Variants in RHCE observed in about 807,000 individuals in gnomAD.
RHCE encodes blood group Rh(CE) polypeptide.
Under a neutral mutation model 43.8 loss-of-function variants are expected in RHCE, and 22 were observed. That is an observed-to-expected ratio of 0.50 (90% confidence interval 0.36 to 0.72). RHCE has a LOEUF of 0.72. Among genes scored for constraint, RHCE ranks in the 30% least tolerant of loss-of-function variants. The probability of loss-of-function intolerance (pLI) is 0.00; values close to 1 mark genes in which losing one functional copy is unlikely to be tolerated. For missense variants in RHCE, 385 were observed against 525.4 expected (o/e 0.73, Z 2.61); for synonymous variants, 156 against 210.7 (o/e 0.74, Z 2.25).
Position 25,389,057 on chromosome 1 carries a change from G to T in RHCE, c.858C>A (p.His286Gln), listed in dbSNP as rs752295067. Residue 286 changes from histidine to glutamine, a missense_variant, in exon 6 of 10, where the codon CAC becomes CAA. Transcript: ENST00000294413. ...AGGVAVGTSCHLIPSPWLAMV... is the reference protein window; with the variant it reads ...AGGVAVGTSCQLIPSPWLAMV... The stretch of plus-strand genomic sequence containing the variant: ...TGGCAAGCCACGGAGAAGGGATCAG[G>T]TGACACGAGGTACCCACAGCCACGC... The T allele has an allele frequency of 5.6e-6, 9 of 1,614,082 alleles. No individual in the cohort carries two copies. The highest frequency in any genetic ancestry group is 7.6e-6 in the Non-Finnish European group (9 of 1,180,036).
At chr1:25,372,380 G>A (rs1462648682) in intron 8 of RHCE, among the ~76,000 whole-genome samples, 5 of 151,624 alleles carry the variant, frequency 3.3e-5, no homozygotes, top group African/African-American at 7.3e-5. Flanking sequence ...TTAGCCGGGC[G>A]TGGTGGTGCA....
At chr1:25,401,570 C>A (rs1343274943) in intron 3 of RHCE, among the ~76,000 whole-genome samples, 2 of 152,212 alleles carry the variant, frequency 1.3e-5, no homozygotes, top group Non-Finnish European at 2.9e-5. Flanking sequence ...ATTGGCCTTA[C>A]CTTCACAGCT....
intron 9 of RHCE, among the ~76,000 whole-genome samples, chr1:25,368,815 C>T (rs1253385066): frequency 1.3e-5 from 2 of 151,342 alleles, no homozygotes; most frequent in African/African-American, 2.4e-5. Flanking sequence ...GGCTGGAGTG[C>T]AGTGGCATGA....
chr1:25,428,253 T>C (rs1300169740), intron 2 of RHCE, among the ~76,000 whole-genome samples: 8 of 152,300 alleles, frequency 5.3e-5, no homozygotes, highest in South Asian at 2.1e-4. Context: ...ACTGCAGTCA[T>C]GGGGATGAGG....
intron 2 of RHCE, among the ~76,000 whole-genome samples, chr1:25,405,236 T>C (rs1310678570): frequency 3.9e-5 from 6 of 152,114 alleles, no homozygotes; most frequent in South Asian, 2.1e-4. Flanking sequence ...TGTGCACCCA[T>C]AGTCCCAGCT....
rs748575833 is a variant in RHCE at position 25,385,840 on chromosome 1, C to A, written c.944G>T (p.Cys315Phe). 81 of 1,613,940 alleles carry A rather than the reference C, an allele frequency of 5.0e-5. No individual in the cohort carries two copies. The highest frequency in any genetic ancestry group is 6.5e-5 in the Non-Finnish European group (77 of 1,180,024). The part of the protein sequence containing the change: ...SIGGAKCLPV[C>F]CNRVLGIHHI... ...GTGAATCCCCAGCACTCGGTTACAA[C>A]ACACCTGTGGACAAGTGTTATTATA... Residue 315 changes from cysteine to phenylalanine, a missense_variant, in exon 7 of 10, where the codon TGT becomes TTT. Coordinates refer to ENST00000294413, the MANE Select transcript of RHCE (RefSeq NM_020485.8).
At chr1:25,378,421 ATCC>A (rs1645853012) in intron 7 of RHCE, among the ~76,000 whole-genome samples, 1 of 152,214 alleles carries the variant, frequency 6.6e-6, no homozygotes, top group African/African-American at 2.4e-5. Context: ...AACTACCCAA[ATCC>A]TCCTCAATAA....
chr1:25,377,417 C>G (rs1645822308), intron 7 of RHCE, among the ~76,000 whole-genome samples: 1 of 151,888 alleles, frequency 6.6e-6, no homozygotes, highest in African/African-American at 2.4e-5. Context: ...AGGATGATCT[C>G]GATCTCTTGA....
chr1:25,377,803 G>C (rs928117920), intron 7 of RHCE, among the ~76,000 whole-genome samples: 2 of 152,244 alleles, frequency 1.3e-5, no homozygotes, highest in African/African-American at 4.8e-5. Flanking sequence ...TACTCAGGAG[G>C]CTGAAGTATG....
rs374728047 is a variant in RHCE, at chr1:25,411,439, T to C, written c.149-2570A>G. On this transcript the variant is annotated intron_variant, in intron 1 of 9. Coordinates refer to ENST00000294413, the MANE Select transcript of RHCE (RefSeq NM_020485.8). ...AAAAGTCTTTGATTTATAAAGTACA[T>C]TTAAATTCACTTCCATTGAAACGTA... 1.9e-4 allele frequency: 291 copies of C among 1,549,930 alleles called. No homozygotes were observed. The African/African-American group carries it at 3.2e-3, about 17-fold the overall frequency.
Position 25,389,067 on chromosome 1 carries a change from G to A in RHCE, c.848C>T (p.Thr283Ile). ...CGGAGAAGGGATCAGGTGACACGAG[G>A]TACCCACAGCCACGCCTCCTGCCAA... Reference protein sequence around the residue: ...AVLAGGVAVGTSCHLIPSPWL... With the variant: ...AVLAGGVAVGISCHLIPSPWL... Residue 283 changes from threonine to isoleucine, a missense_variant, in exon 6 of 10, where the codon ACC (threonine) becomes ATC (isoleucine). Physicochemically the swap from Thr to Ile is moderately conservative, Grantham distance 89 (BLOSUM62 -1). Coordinates refer to ENST00000294413, the MANE Select transcript of RHCE (RefSeq NM_020485.8). The A allele has an allele frequency of 1.2e-6, 2 of 1,614,112 alleles. No homozygotes were observed. Among genetic ancestry groups the A allele is most frequent in the Non-Finnish European group, 1.7e-6 (2 of 1,179,990 alleles).
intron 7 of RHCE, among the ~76,000 whole-genome samples, chr1:25,377,895 ACT>A (rs1438474720): frequency 6.6e-6 from 1 of 152,100 alleles, no homozygotes; most frequent in Non-Finnish European, 1.5e-5. Flanking sequence ...ACAGAAGGAG[ACT>A]CTGTTTCAAA....
intron 2 of RHCE, among the ~76,000 whole-genome samples, chr1:25,407,714 T>A (rs1160400030): frequency 1.6e-5 from 2 of 123,772 alleles, no homozygotes; most frequent in Non-Finnish European, 3.7e-5. Context: ...GCCAATGCCC[T>A]TTTAAAATGT....
intron 7 of RHCE, among the ~76,000 whole-genome samples, chr1:25,381,912 C>G (rs1646014597): frequency 6.6e-6 from 1 of 151,220 alleles, no homozygotes; most frequent in Admixed American, 6.6e-5. Context: ...CTTTCTTTGT[C>G]CATATTCTGT....
At chr1:25,414,732 G>A (rs181999578) in intron 1 of RHCE, among the ~76,000 whole-genome samples, 3 of 152,226 alleles carry the variant, frequency 2.0e-5, no homozygotes, top group Non-Finnish European at 2.9e-5. Context: ...CCTGGTAGGC[G>A]ATTGTTACAG....
chr1:25,370,219 C>G (rs1171700648), intron 9 of RHCE, among the ~76,000 whole-genome samples: 1 of 151,584 alleles, frequency 6.6e-6, no homozygotes, highest in Admixed American at 6.6e-5. Flanking sequence ...CCAGTGAAAG[C>G]TGTCTCATCC....
intron 1 of RHCE, among the ~76,000 whole-genome samples, chr1:25,419,083 T>G (rs35734489): frequency 3.5e-4 from 54 of 152,332 alleles, no homozygotes; most frequent in African/African-American, 9.1e-4. Context: ...CTGAGCGACC[T>G]TGGGCAAATT....
At chr1:25,392,554 C>T (rs1646407880) in intron 3 of RHCE, among the ~76,000 whole-genome samples, 1 of 148,084 alleles carries the variant, frequency 6.8e-6, no homozygotes, top group Non-Finnish European at 1.5e-5. Flanking sequence ...AGCCACTGTG[C>T]CCGGCCTCTT....
chr1:25,371,662 T>C (rs1157517739), intron 8 of RHCE, among the ~76,000 whole-genome samples: 1 of 151,616 alleles, frequency 6.6e-6, no homozygotes, highest in Admixed American at 6.6e-5. Flanking sequence ...TGTGAGCCAC[T>C]GTGCCCAACC....
Sources: allele counts gnomAD v4.1 joint callset (sites outside exome capture counted in the v4.1 genomes callset), GRCh38; gene constraint gnomAD v4.1.1; transcripts MANE v1.5; gene names NCBI Gene and HGNC (gene_info 2026-07-23, HGNC 2026-07-21).